The following ANKRD55 variants were observed in gnomAD, a reference collection of about 807,000 sequenced individuals.
The protein encoded by ANKRD55 is ankyrin repeat domain-containing protein 55.
ANKRD55 carries 41 observed loss-of-function variants against 60.6 expected under a neutral mutation model. That is an observed-to-expected ratio of 0.68 (90% CI 0.53 to 0.88). The LOEUF is 0.88. ANKRD55 is among the 40% of genes least tolerant of loss of function. ANKRD55 has a pLI of 0.00. For missense variants in ANKRD55, 732 were observed against 767.6 expected (o/e 0.95, Z 0.55); for synonymous variants, 264 against 290.3 (o/e 0.91, Z 0.92).
At chr5:56,204,605 A>T (rs984370898) in intron 2 of ANKRD55, among the ~76,000 whole-genome samples, 1 of 152,132 alleles carries the variant, frequency 6.6e-6, no homozygotes, top group African/African-American at 2.4e-5. Context: ...TTCTTCTGCC[A>T]TGATTGTAAG....
intron 2 of ANKRD55, among the ~76,000 whole-genome samples, chr5:56,205,574 T>C (rs988687952): frequency 1.3e-5 from 2 of 152,222 alleles, no homozygotes; most frequent in African/African-American, 4.8e-5. Context: ...AGTAGAAGGT[T>C]GATCTCTAAG....
intron 5 of ANKRD55, among the ~76,000 whole-genome samples, chr5:56,166,086 T>TTTTCTTTC (rs754266953): frequency 0.011 from 975 of 91,642 alleles, 47 homozygotes; most frequent in East Asian, 0.021. Flanking sequence ...TTTCTTTTCT[T>TTTTCTTTC]TTTCTTTCTT....
Position 56,233,008 on chromosome 5 carries a change from G to A in ANKRD55, c.-33-62C>T, listed in dbSNP as rs772636185. On this transcript the variant is annotated intron_variant, in intron 1 of 11. Coordinates refer to ENST00000341048, the MANE Select transcript of ANKRD55 (RefSeq NM_024669.3). ...CAACATGACAGTCAGAGGCAGCATC[G>A]TTTGCCAAGACCTCTGTTTCAGGAT... 1.7e-4 allele frequency: 205 copies of A among 1,176,492 alleles called. 1 individual carries two copies. Among genetic ancestry groups the A allele is most frequent in the Non-Finnish European group, 2.3e-4 (182 of 793,388 alleles). The allele number at this position is 1,176,492 out of a possible 1,614,324, so 72.9% of individuals were successfully genotyped here.
At chr5:56,138,518 T>C (rs1757671602) in intron 7 of ANKRD55, among the ~76,000 whole-genome samples, 1 of 152,224 alleles carries the variant, frequency 6.6e-6, no homozygotes. Context: ...TGAAAACTTA[T>C]GTTTACACAA....
chr5:56,106,544 C>T (rs1244509017), intron 10 of ANKRD55, among the ~76,000 whole-genome samples: 1 of 151,774 alleles, frequency 6.6e-6, no homozygotes, highest in Non-Finnish European at 1.5e-5. Flanking sequence ...CCACCTCAGC[C>T]TCCACAGTAG....
At chr5:56,159,982 C>A in intron 5 of ANKRD55, 89 bp from the exon 6 acceptor site, 2 of 1,150,540 alleles carry the variant, frequency 1.7e-6, no homozygotes, top group Admixed American at 3.8e-5. Flanking sequence ...CTTAGAAAAA[C>A]CGTCAGTTGA....
chr5:56,210,679 G>A (rs1328558266), intron 2 of ANKRD55, among the ~76,000 whole-genome samples: 2 of 151,438 alleles, frequency 1.3e-5, no homozygotes, highest in African/African-American at 4.9e-5. Flanking sequence ...TCTCAGTTTG[G>A]TTTTGTTGGT....
At chr5:56,115,214 T>TAATAATA (rs1554036821) in intron 9 of ANKRD55, among the ~76,000 whole-genome samples, 16 of 144,634 alleles carry the variant, frequency 1.1e-4, no homozygotes, top group East Asian at 5.9e-4. Flanking sequence ...ATAATAATAA[T>TAATAATA]AATAAATAAA....
chr5:56,151,332 T>C (rs988400747), intron 6 of ANKRD55, among the ~76,000 whole-genome samples: 1 of 152,154 alleles, frequency 6.6e-6, no homozygotes, highest in Non-Finnish European at 1.5e-5. Flanking sequence ...ACACCTCTAA[T>C]ACCATGAAAA....
At chr5:56,150,973 T>A (rs1456661681) in intron 6 of ANKRD55, among the ~76,000 whole-genome samples, 1 of 152,266 alleles carries the variant, frequency 6.6e-6, no homozygotes, top group Admixed American at 6.5e-5. Context: ...TCTTATATGT[T>A]TCATTTTCTG....
intron 6 of ANKRD55, among the ~76,000 whole-genome samples, chr5:56,145,820 A>G (rs544794976): frequency 3.3e-5 from 5 of 152,244 alleles, no homozygotes; most frequent in South Asian, 4.2e-4. Flanking sequence ...CTCCAGAGAT[A>G]CTCTTGAGGA....
intron 2 of ANKRD55, among the ~76,000 whole-genome samples, chr5:56,216,676 C>T (rs1321230264): frequency 6.6e-6 from 1 of 152,182 alleles, no homozygotes; most frequent in Non-Finnish European, 1.5e-5. Context: ...ACCAATCTAG[C>T]CGCCACATTT....
At chr5:56,177,774 C>CA (rs61601176) in intron 3 of ANKRD55, among the ~76,000 whole-genome samples, 249 of 147,400 alleles carry the variant, frequency 1.7e-3, no homozygotes, top group African/African-American at 4.6e-3. Context: ...GACTCCATCT[C>CA]AAAAAAAAAA....
intron 2 of ANKRD55, among the ~76,000 whole-genome samples, chr5:56,231,653 GCACACACACACA>G (rs34225686): frequency 0.37 from 54,031 of 147,924 alleles, 11,898 homozygotes; most frequent in East Asian, 0.85. Flanking sequence ...CTGAAGGCGC[GCACACACACACA>G]CACACACACA....
intron 7 of ANKRD55, among the ~76,000 whole-genome samples, chr5:56,131,330 C>A (rs1453757637): frequency 6.6e-6 from 1 of 152,178 alleles, no homozygotes; most frequent in East Asian, 1.9e-4. Flanking sequence ...ACCATACAAG[C>A]AAGAAGAGAC....
At chr5:56,200,168 G>A (rs760983067) in intron 2 of ANKRD55, among the ~76,000 whole-genome samples, 12 of 151,988 alleles carry the variant, frequency 7.9e-5, no homozygotes, top group African/African-American at 1.2e-4. Flanking sequence ...AGGCTTACTA[G>A]CTTTAATAAA....
chr5:56,205,774 T>C (rs529352332), intron 2 of ANKRD55, among the ~76,000 whole-genome samples: 2 of 152,182 alleles, frequency 1.3e-5, no homozygotes, highest in East Asian at 3.9e-4. Context: ...GAAAATAGTT[T>C]AAGAAAACAA....
chr5:56,229,141 T>G (rs1760188589), intron 2 of ANKRD55, among the ~76,000 whole-genome samples: 1 of 151,738 alleles, frequency 6.6e-6, no homozygotes, highest in African/African-American at 2.4e-5. Context: ...TTGGGATTCT[T>G]TCAGGCGCAG....
chr5:56,184,877 G>C (rs991074643), intron 2 of ANKRD55, among the ~76,000 whole-genome samples: 1 of 151,378 alleles, frequency 6.6e-6, no homozygotes. Flanking sequence ...CTGGACAACA[G>C]AGTGAGACCT....
Sources: gnomAD v4.1 joint callset for allele counts (sites outside exome capture counted in the v4.1 genomes callset) on GRCh38, gnomAD v4.1.1 for gene constraint, MANE v1.5 for transcripts, NCBI Gene and HGNC (gene_info 2026-07-23, HGNC 2026-07-21) for gene names.